The following IQSEC1 variants were observed in gnomAD, a reference collection of about 807,000 sequenced individuals.
IQSEC1 encodes IQ motif and SEC7 domain-containing protein 1.
Under a neutral mutation model 91.0 loss-of-function variants are expected in IQSEC1, and 31 were observed. The ratio of observed to expected loss-of-function variants is 0.34; its 90% CI spans 0.26 to 0.46. IQSEC1 has a LOEUF of 0.46. Ranked by LOEUF, IQSEC1 falls within the 20% of genes least tolerant of loss-of-function variation. The pLI, the probability that IQSEC1 is intolerant of heterozygous loss-of-function variation, is 1.00. For synonymous variants in IQSEC1, 699 were observed against 662.6 expected, an observed-to-expected ratio of 1.05 and a Z score of -0.84; for missense variants, 1,388 against 1,575.6, an observed-to-expected ratio of 0.88 and a Z score of 2.02.
intron 1 of IQSEC1, among the ~76,000 whole-genome samples, chr3:12,957,161 G>A (rs918774477): frequency 4.6e-5 from 7 of 152,162 alleles, no homozygotes; most frequent in Non-Finnish European, 1.0e-4. Context: ...TGCTTCCAAA[G>A]GCCTCCTTCC....
intron 9 of IQSEC1, 146 bp downstream of exon 9, chr3:12,913,282 T>C (rs1695742402): frequency 1.3e-6 from 1 of 776,510 alleles, no homozygotes. Flanking sequence ...TCTGTCTTCA[T>C]GTGCATCAGT....
At chr3:12,956,873 C>T (rs1021505394) in intron 1 of IQSEC1, among the ~76,000 whole-genome samples, 1 of 152,206 alleles carries the variant, frequency 6.6e-6, no homozygotes, top group Non-Finnish European at 1.5e-5. Flanking sequence ...ATCTTCACAA[C>T]GGGTGTCACT....
intron 1 of IQSEC1, among the ~76,000 whole-genome samples, chr3:13,275,719 C>G (rs956525575): frequency 2.0e-5 from 3 of 152,252 alleles, no homozygotes; most frequent in Non-Finnish European, 4.4e-5. Flanking sequence ...CTGTAATCTT[C>G]CAGGTACAGG....
intron 2 of IQSEC1, among the ~76,000 whole-genome samples, chr3:13,111,067 C>T (rs1449785161): frequency 6.6e-6 from 1 of 152,224 alleles, no homozygotes; most frequent in Admixed American, 6.5e-5. Flanking sequence ...CAAAGTGCGC[C>T]AGAGAGTGCT....
intron 1 of IQSEC1, among the ~76,000 whole-genome samples, chr3:13,265,237 CCTAA>C (rs1695467634): frequency 6.6e-6 from 1 of 152,232 alleles, no homozygotes; most frequent in Non-Finnish European, 1.5e-5. Flanking sequence ...TAGATGCTGC[CCTAA>C]CTGTGACAAG....
intron 1 of IQSEC1, among the ~76,000 whole-genome samples, chr3:13,277,896 G>A (rs1195414134): frequency 6.6e-6 from 1 of 152,028 alleles, no homozygotes; most frequent in Non-Finnish European, 1.5e-5. Flanking sequence ...CCCAGCATTG[G>A]TGCTTCCCGG....
At chr3:13,108,664 G>A (rs1003390984) in intron 2 of IQSEC1, among the ~76,000 whole-genome samples, 5 of 152,156 alleles carry the variant, frequency 3.3e-5, no homozygotes, top group Admixed American at 3.3e-4. Flanking sequence ...ATCCTGAGCT[G>A]AGTGGCTCCA....
intron 1 of IQSEC1, among the ~76,000 whole-genome samples, chr3:13,254,424 A>T (rs1178076846): frequency 6.6e-6 from 1 of 152,222 alleles, no homozygotes; most frequent in East Asian, 1.9e-4. Flanking sequence ...CACACCTCCA[A>T]CTGGTGATCA....
chr3:13,139,531 T>A (rs917406425), intron 2 of IQSEC1, among the ~76,000 whole-genome samples: 2 of 152,216 alleles, frequency 1.3e-5, no homozygotes, highest in African/African-American at 4.8e-5. Context: ...GCAGGTCTCA[T>A]CCTGCTACTG....
At position 12,985,503 on chromosome 3, in the gene IQSEC1, G is replaced by A. The variant is rs926109360; in HGVS notation, c.24-43638C>T. Among the ~76,000 whole-genome samples, 78 of 109,338 alleles carry A rather than the reference G, an allele frequency of 7.1e-4. 1 individual carries two copies. Among genetic ancestry groups the A allele is most frequent in the East Asian group, 5.5e-3 (20 of 3,604 alleles). 71.7% of individuals were successfully genotyped at this position (109,338 alleles called of 152,430 possible). A position where few individuals can be genotyped will look rare whatever the true frequency, so the allele number is the denominator to read the frequency against. The stretch of plus-strand genomic sequence containing the variant: ...ACTGCTTAACAATCCCCCCCCCCCC[G>A]CCAACCGTTTGCCCTGTGCCAGGCT... On this transcript the variant is annotated intron_variant, in intron 1 of 13. Transcript: ENST00000613206.
rs531362006 is a variant in IQSEC1, at chr3:12,922,316, G to A, written c.1731-74C>T. On this transcript the variant is annotated intron_variant, in intron 4 of 13. Coordinates refer to ENST00000613206, the MANE Select transcript of IQSEC1 (RefSeq NM_001134382.3). The surrounding 1 kb of genome is among the most constrained non-coding windows in gnomAD (Gnocchi z 5.1). The stretch of plus-strand genomic sequence containing the variant: ...CACGCCCAGCCCACCCCCAGGTGGT[G>A]GTGCCTGAAGCCCTGGGAATGGACC... 1 of 1,446,436 alleles carries A rather than the reference G, an allele frequency of 6.9e-7. No homozygotes were observed. The highest frequency in any genetic ancestry group is 2.6e-5 in the East Asian group (1 of 38,478). 89.6% of individuals were successfully genotyped at this position (1,446,436 alleles called of 1,614,324 possible). A position where few individuals can be genotyped will look rare whatever the true frequency, so the allele number is the denominator to read the frequency against.
chr3:13,259,699 C>T lies in IQSEC1; in HGVS notation c.272+23012G>A, dbSNP rs1695349409. Among the ~76,000 whole-genome samples, 1 of 152,216 alleles carries T rather than the reference C, an allele frequency of 6.6e-6. No homozygotes were observed. The highest frequency in any genetic ancestry group is 2.1e-4 in the South Asian group (1 of 4,832). On this transcript the variant is annotated intron_variant, in intron 1 of 15. Transcript: ENST00000648114. The surrounding 1 kb of genome is among the most constrained non-coding windows in gnomAD (Gnocchi z 4.6). ...TTGGGTCCATGGGGTCTCCCACAAA[C>T]CTCCTTTCTTCCTGCCCTCCCGTGG...
At chr3:13,013,281 A>C (rs1201873020) in intron 1 of IQSEC1, among the ~76,000 whole-genome samples, 1 of 152,046 alleles carries the variant, frequency 6.6e-6, no homozygotes, top group Non-Finnish European at 1.5e-5. Flanking sequence ...AGCCACTTCA[A>C]TGCTCCCACA....
chr3:13,217,245 C>A (rs1209474836), intron 1 of IQSEC1, among the ~76,000 whole-genome samples: 1 of 152,190 alleles, frequency 6.6e-6, no homozygotes, highest in Non-Finnish European at 1.5e-5. Flanking sequence ...CAATGAGATC[C>A]CTCATGCATT....
In IQSEC1 at chr3:13,193,284, A is replaced by G. The variant is rs1694067510; in HGVS notation, c.273-29151T>C. ...CAGATCCACAGCTTCAGCCCCACTG[A>G]TGACTGCGCTTCTGAGCCATTTCCG... On this transcript the variant is annotated intron_variant, in intron 1 of 15. Transcript: ENST00000648114. This position sits in a 1 kb window ranked among gnomAD's most constrained non-coding sequence, Gnocchi z 4.2. Among the ~76,000 whole-genome samples, 1 of 152,184 alleles carries G rather than the reference A, an allele frequency of 6.6e-6. No homozygotes were observed. Among genetic ancestry groups the G allele is most frequent in the South Asian group, 2.1e-4 (1 of 4,830 alleles).
intron 1 of IQSEC1, among the ~76,000 whole-genome samples, chr3:12,982,677 T>G (rs1336875870): frequency 6.6e-6 from 1 of 152,262 alleles, no homozygotes; most frequent in East Asian, 1.9e-4. Context: ...TAGGCAGAAC[T>G]GACTGGGGGG....
chr3:13,097,014 C>T (rs1168096452), intron 2 of IQSEC1, among the ~76,000 whole-genome samples: 1 of 152,196 alleles, frequency 6.6e-6, no homozygotes, highest in African/African-American at 2.4e-5. Flanking sequence ...GCGCCCGCCA[C>T]CACGCCTGGC....
intron 2 of IQSEC1, among the ~76,000 whole-genome samples, chr3:13,108,538 G>A (rs1198624764): frequency 2.6e-5 from 4 of 151,866 alleles, no homozygotes; most frequent in African/African-American, 7.2e-5. Context: ...TAGCACTCAT[G>A]TTTCCTCTTG....
intron 2 of IQSEC1, among the ~76,000 whole-genome samples, chr3:13,087,435 G>A (rs963790462): frequency 1.3e-5 from 2 of 152,112 alleles, no homozygotes; most frequent in Non-Finnish European, 2.9e-5. Context: ...AAGCCCCTTC[G>A]CTTCTCTCAG....
Sources: allele counts gnomAD v4.1 joint callset (sites outside exome capture counted in the v4.1 genomes callset), GRCh38; gene constraint gnomAD v4.1.1; non-coding constraint Gnocchi (gnomAD v3.1); transcripts MANE v1.5; gene names NCBI Gene and HGNC (gene_info 2026-07-23, HGNC 2026-07-21).